SYT13: variants seen among roughly 807,000 people sequenced by gnomAD.
SYT13 encodes synaptotagmin 13.
SYT13 carries 21 observed loss-of-function variants against 38.6 expected under a neutral mutation model. That is an observed-to-expected ratio of 0.54 (90% CI 0.39 to 0.78). The LOEUF is 0.78. SYT13 is among the 30% of genes least tolerant of loss of function. The probability of loss-of-function intolerance (pLI) is 0.00; values close to 1 mark genes in which losing one functional copy is unlikely to be tolerated. For missense variants in SYT13, 495 were observed against 548.7 expected, an observed-to-expected ratio of 0.90 and a Z score of 0.98; for synonymous variants, 241 against 237.6, an observed-to-expected ratio of 1.01 and a Z score of -0.13.
chr11:45,252,734 G>A lies in SYT13; in HGVS notation c.545-12C>T, dbSNP rs762329150. On this transcript the variant is annotated splice_polypyrimidine_tract_variant and intron_variant, in intron 3 of 5. Coordinates refer to ENST00000020926, the MANE Select transcript of SYT13 (RefSeq NM_020826.3). This position sits in a 1 kb window ranked among gnomAD's most constrained non-coding sequence, Gnocchi z 4.3. ...GTTGCTGGTCACAGCTGCAGGCAAG[G>A]AGAACAACACAGGCGTGGGACTTTC... The A allele has an allele frequency of 6.4e-7, 1 of 1,560,302 alleles. No homozygotes were observed. The highest frequency in any genetic ancestry group is 8.7e-7 in the Non-Finnish European group (1 of 1,147,380).
chr11:45,272,494 G>A (rs931703790), intron 1 of SYT13, among the ~76,000 whole-genome samples: 1 of 152,190 alleles, frequency 6.6e-6, no homozygotes, highest in African/African-American at 2.4e-5. Context: ...TTAAGGTGCT[G>A]CTTCTAACAT....
chr11:45,251,960 G>C (rs7103871), intron 4 of SYT13, among the ~76,000 whole-genome samples: 2 of 152,150 alleles, frequency 1.3e-5, no homozygotes, highest in Non-Finnish European at 2.9e-5. Flanking sequence ...ATCAAATATC[G>C]TCATCATTTG....
chr11:45,250,112 G>C (rs563672764), intron 4 of SYT13, among the ~76,000 whole-genome samples: 20 of 152,238 alleles, frequency 1.3e-4, no homozygotes, highest in African/African-American at 4.8e-4. Flanking sequence ...CTGGGGCGAG[G>C]GGCTGCCTGG....
At chr11:45,258,879 CAA>C (rs1475394417) in intron 1 of SYT13, among the ~76,000 whole-genome samples, 1 of 152,196 alleles carries the variant, frequency 6.6e-6, no homozygotes, top group Non-Finnish European at 1.5e-5. Flanking sequence ...CTACCCTACA[CAA>C]AGTCACCTCC....
intron 1 of SYT13, among the ~76,000 whole-genome samples, chr11:45,267,249 C>T (rs1056530101): frequency 1.3e-5 from 2 of 152,304 alleles, no homozygotes; most frequent in African/African-American, 2.4e-5. Flanking sequence ...GCTGCCTTCC[C>T]GCCACTTCAG....
intron 1 of SYT13, among the ~76,000 whole-genome samples, chr11:45,284,605 A>G (rs1334172706): frequency 1.3e-5 from 2 of 152,136 alleles, no homozygotes; most frequent in Admixed American, 6.5e-5. Context: ...AAGAGACCCT[A>G]GAGGTCATTT....
At chr11:45,263,614 G>T (rs992426198) in intron 1 of SYT13, among the ~76,000 whole-genome samples, 1 of 152,226 alleles carries the variant, frequency 6.6e-6, no homozygotes, top group Admixed American at 6.5e-5. Flanking sequence ...TGCTGCTGGG[G>T]TCTATAGTAT....
At chr11:45,267,486 G>T (rs1358163131) in intron 1 of SYT13, among the ~76,000 whole-genome samples, 1 of 152,142 alleles carries the variant, frequency 6.6e-6, no homozygotes, top group Admixed American at 6.5e-5. Flanking sequence ...GGTTTGACTT[G>T]GTGGGTTCTA....
chr11:45,242,046 G>A lies in SYT13; in HGVS notation c.*2006C>T, dbSNP rs1854558126. 1 of 152,184 alleles carries A rather than the reference G, an allele frequency of 6.6e-6. No individual in the cohort carries two copies. Among genetic ancestry groups the A allele is most frequent in the Non-Finnish European group, 1.5e-5 (1 of 68,036 alleles). The allele number at this position is 152,184 out of a possible 1,614,324, so 9.4% of individuals were successfully genotyped here. A position where few individuals can be genotyped will look rare whatever the true frequency, so the allele number is the denominator to read the frequency against. On this transcript the variant is annotated 3_prime_UTR_variant, in exon 6 of 6. Coordinates refer to ENST00000020926, the MANE Select transcript of SYT13 (RefSeq NM_020826.3). Reference sequence around the variant, plus strand: ...AAAAAATAATGACCACAGGTTATAAGGCTCCTGCTCAGATTCTCAGGGAGA... The same window carrying A: ...AAAAAATAATGACCACAGGTTATAAAGCTCCTGCTCAGATTCTCAGGGAGA...
rs1352237524 is a variant in SYT13 at position 45,256,038 on chromosome 11, A to G, written c.184-147T>C. On this transcript the variant is annotated intron_variant, in intron 1 of 5. Transcript: ENST00000020926. ...TCTGCTCTGAAGAGCACAACCTAGG[A>G]AGGTCTAACATCATCTCCAAACCCA... 3 of 775,698 alleles carry G rather than the reference A, an allele frequency of 3.9e-6. No individual in the cohort carries two copies. The East Asian group carries it at 8.1e-5, about 21-fold the overall frequency. 48.1% of individuals were successfully genotyped at this position (775,698 alleles called of 1,614,324 possible).
At chr11:45,254,706 G>A in intron 2 of SYT13, 1 of 264,718 alleles carries the variant, frequency 3.8e-6, no homozygotes. Flanking sequence ...TTGGGTCAGG[G>A]ACGATCATGT....
rs1854695826 is a variant in SYT13, at chr11:45,252,777, G to A, written c.545-55C>T. 2 of 1,510,620 alleles carry A rather than the reference G, an allele frequency of 1.3e-6. No homozygotes were observed. The highest frequency in any genetic ancestry group is 1.8e-6 in the Non-Finnish European group (2 of 1,124,370). 93.6% of individuals were successfully genotyped at this position (1,510,620 alleles called of 1,614,324 possible). ...GGACTTTCTGAGGACAAGTGGAGGG[G>A]GCAGAAGCACGCCTTGCTTAGGGCT... On this transcript the variant is annotated intron_variant, in intron 3 of 5. Coordinates refer to ENST00000020926, the MANE Select transcript of SYT13 (RefSeq NM_020826.3). This position sits in a 1 kb window ranked among gnomAD's most constrained non-coding sequence, Gnocchi z 4.3.
Position 45,242,946 on chromosome 11 carries a change from A to G in SYT13, c.*1106T>C, listed in dbSNP as rs1317485602. 1 of 152,226 alleles carries G rather than the reference A, an allele frequency of 6.6e-6. No individual in the cohort carries two copies. Among genetic ancestry groups the G allele is most frequent in the Non-Finnish European group, 1.5e-5 (1 of 68,036 alleles). The allele number at this position is 152,226 out of a possible 1,614,324, so 9.4% of individuals were successfully genotyped here. A position where few individuals can be genotyped will look rare whatever the true frequency, so the allele number is the denominator to read the frequency against. On this transcript the variant is annotated 3_prime_UTR_variant, in exon 6 of 6. Coordinates refer to ENST00000020926, the MANE Select transcript of SYT13 (RefSeq NM_020826.3). ...ACAGAGGGAGGCACAGTTGCAAAAG[A>G]CCTGATTTCCTTTTTAAAATTATCT...
At chr11:45,247,624 T>G (rs964181810) in intron 4 of SYT13, among the ~76,000 whole-genome samples, 4 of 152,212 alleles carry the variant, frequency 2.6e-5, no homozygotes, top group African/African-American at 9.7e-5. Context: ...CCTCCCCTTC[T>G]GTCACACCCA....
At position 45,286,015 on chromosome 11, in the gene SYT13, C is replaced by A. The variant is rs1232476051; in HGVS notation, c.183+10G>T. 1 of 1,603,472 alleles carries A rather than the reference C, an allele frequency of 6.2e-7. No individual in the cohort carries two copies. Among genetic ancestry groups the A allele is most frequent in the East Asian group, 2.2e-5 (1 of 44,700 alleles). ...TGCCCGGGAAGGGCCTGCGCGCCGC[C>A]CCCGCTCACCTGTTGTGCAGACCCG... On this transcript the variant is annotated intron_variant, in intron 1 of 5. Transcript: ENST00000020926.
chr11:45,260,969 A>G (rs1245968981), intron 1 of SYT13, among the ~76,000 whole-genome samples: 3 of 152,200 alleles, frequency 2.0e-5, no homozygotes, highest in Non-Finnish European at 2.9e-5. Flanking sequence ...CTGTCCACTC[A>G]GAAGCAACCC....
chr11:45,254,640 C>T, intron 2 of SYT13: 1 of 446,844 alleles, frequency 2.2e-6, no homozygotes, highest in Non-Finnish European at 3.9e-6. Context: ...AGAGACTACA[C>T]AACAATCTAC....
At chr11:45,268,535 C>A (rs570004119) in intron 1 of SYT13, among the ~76,000 whole-genome samples, 7 of 152,300 alleles carry the variant, frequency 4.6e-5, no homozygotes, top group African/African-American at 1.7e-4. Flanking sequence ...GCATTTTACC[C>A]ATTCGGTTTC....
chr11:45,255,797 T>G lies in SYT13; in HGVS notation c.278A>C (p.Glu93Ala), dbSNP rs766243972. Residue 93 changes from glutamate to alanine, a missense_variant, in exon 2 of 6, where the codon GAG (glutamate) becomes GCG (alanine). Glu to Ala is a moderately radical substitution (Grantham distance 107, BLOSUM62 -1). Coordinates refer to ENST00000020926, the MANE Select transcript of SYT13 (RefSeq NM_020826.3). ...TGAATAGTCTGCATAGTTGATGACCTCTGGAGCCGTCACAGCTGGCCTGGG... is the reference window on the plus strand; with the variant it reads ...TGAATAGTCTGCATAGTTGATGACCGCTGGAGCCGTCACAGCTGGCCTGGG... ...YGPRPAVTAPEVINYADYSLR... is the reference protein window; with the variant it reads ...YGPRPAVTAPAVINYADYSLR... 1.9e-6 allele frequency: 3 copies of G among 1,614,168 alleles called. No homozygotes were observed. The highest frequency in any genetic ancestry group is 2.5e-6 in the Non-Finnish European group (3 of 1,180,030).
Sources: gnomAD v4.1 joint callset for allele counts (sites outside exome capture counted in the v4.1 genomes callset) on GRCh38, gnomAD v4.1.1 for gene constraint, Gnocchi (gnomAD v3.1) non-coding constraint, MANE v1.5 for transcripts, NCBI Gene and HGNC (gene_info 2026-07-23, HGNC 2026-07-21) for gene names.